The following TRIM2 variants were observed in gnomAD, a reference collection of about 807,000 sequenced individuals.
The protein encoded by TRIM2 is tripartite motif-containing protein 2.
Under a neutral mutation model 75.2 loss-of-function variants are expected in TRIM2, and 20 were observed. That is an observed-to-expected ratio of 0.27 (90% CI 0.19 to 0.39). TRIM2 has a LOEUF of 0.39. Among genes scored for constraint, TRIM2 ranks in the 10% least tolerant of loss-of-function variants. The probability of loss-of-function intolerance (pLI) is 1.00; values close to 1 mark genes in which losing one functional copy is unlikely to be tolerated. For missense variants in TRIM2, 660 were observed against 990.8 expected (o/e 0.67, Z 4.48); for synonymous variants, 373 against 388.3 (o/e 0.96, Z 0.46).
intron 3 of TRIM2, among the ~76,000 whole-genome samples, chr4:153,287,279 C>G (rs1160706388): frequency 1.3e-5 from 2 of 152,272 alleles, no homozygotes; most frequent in African/African-American, 4.8e-5. Context: ...CATATCTGGG[C>G]CATCCTGTCA....
Position 153,204,573 on chromosome 4 carries a change from C to T in TRIM2, c.30+13C>T. 3.2e-6 allele frequency: 5 copies of T among 1,551,686 alleles called. No individual in the cohort carries two copies. The highest frequency in any genetic ancestry group is 4.4e-6 in the Non-Finnish European group (5 of 1,147,006). On this transcript the variant is annotated intron_variant, in intron 1 of 11. Coordinates refer to ENST00000338700, the MANE Select transcript of TRIM2 (RefSeq NM_015271.5). Reference sequence around the variant, plus strand: ...TTATGGAACGCAGGTAAGGACGCTTCTCAATGTGGGATAATTCTTTTTCTG... The same window carrying T: ...TTATGGAACGCAGGTAAGGACGCTTTTCAATGTGGGATAATTCTTTTTCTG...
chr4:153,183,876 C>A (rs1208155468), intron 1 of TRIM2, among the ~76,000 whole-genome samples: 1 of 152,210 alleles, frequency 6.6e-6, no homozygotes, highest in Non-Finnish European at 1.5e-5. Flanking sequence ...CCAGTTCTAG[C>A]TCCTCTACTT....
intron 1 of TRIM2, among the ~76,000 whole-genome samples, chr4:153,176,546 T>C (rs576894692): frequency 6.6e-6 from 1 of 152,316 alleles, no homozygotes; most frequent in South Asian, 2.1e-4. Context: ...GTATTATTCT[T>C]GCAAATTTTC....
chr4:153,290,835 C>A (rs1761702506), intron 3 of TRIM2, among the ~76,000 whole-genome samples: 1 of 152,120 alleles, frequency 6.6e-6, no homozygotes, highest in African/African-American at 2.4e-5. Flanking sequence ...TGCTGTGGTT[C>A]CCCGGCTGGT....
At chr4:153,282,805 AGAC>A (rs1759649760) in intron 3 of TRIM2, among the ~76,000 whole-genome samples, 2 of 148,382 alleles carry the variant, frequency 1.3e-5, no homozygotes, top group African/African-American at 5.0e-5. Flanking sequence ...TTTTTTTTGG[AGAC>A]AAAAAAGTCT....
intron 6 of TRIM2, among the ~76,000 whole-genome samples, chr4:153,305,132 T>C (rs936256632): frequency 6.6e-6 from 1 of 152,178 alleles, no homozygotes; most frequent in Non-Finnish European, 1.5e-5. Context: ...TTGAGTGCTG[T>C]AGGGAAGTGA....
Position 153,319,740 on chromosome 4 carries a change from AT to A in TRIM2, c.1783-2907del, listed in dbSNP as rs201587644. Among the ~76,000 whole-genome samples the A allele has an allele frequency of 1.5e-3, 219 of 150,932 alleles. 1 individual carries two copies. The highest frequency in any genetic ancestry group is 4.6e-3 in the African/African-American group (191 of 41,076). On this transcript the variant is annotated intron_variant, in intron 8 of 11. Transcript: ENST00000338700. ...AGCAAAACTCTGTCTCAAAAAAAAA[AT>A]ATATATATATATTTTTTGTTGTTTA...
At chr4:153,325,271 C>T (rs1006798461) in intron 10 of TRIM2, among the ~76,000 whole-genome samples, 14 of 152,086 alleles carry the variant, frequency 9.2e-5, no homozygotes, top group African/African-American at 2.2e-4. Flanking sequence ...CAGTGGGCTG[C>T]GGAAATGGGG....
intron 1 of TRIM2, among the ~76,000 whole-genome samples, chr4:153,237,268 T>A (rs899061357): frequency 1.3e-5 from 2 of 152,210 alleles, no homozygotes; most frequent in Non-Finnish European, 2.9e-5. Flanking sequence ...TACCATATTA[T>A]AACCACATTG....
chr4:153,193,980 G>C (rs1231075127), intron 1 of TRIM2, among the ~76,000 whole-genome samples: 2 of 152,170 alleles, frequency 1.3e-5, no homozygotes. Context: ...CAGGCACTAG[G>C]AGAGACTGAC....
rs565619362 is a variant in TRIM2 at position 153,324,119 on chromosome 4, A to G, written c.1993A>G (p.Ile665Val). ...AAVNSNNEII[I>V]TDFHNHSVKV... The stretch of plus-strand genomic sequence containing the variant: ...TGTAAATAGCAATAATGAGATTATT[A>G]TTACAGATTTCCATAATCATTCTGT... The change falls in exon 10 of 12, where the codon ATT (isoleucine) becomes GTT (valine). Residue 665 changes from isoleucine to valine, a missense_variant. Physicochemically the swap from Ile to Val is conservative, Grantham distance 29. Around this residue, in one of 2 missense-constraint regions of TRIM2, gnomAD observed 620 missense variants for 891.0 expected, o/e 0.70. Transcript: ENST00000338700. The G allele has an allele frequency of 6.2e-7, 1 of 1,612,496 alleles. No homozygotes were observed. The highest frequency in any genetic ancestry group is 1.7e-5 in the Admixed American group (1 of 59,772).
At chr4:153,244,728 T>C (rs1159116297) in intron 1 of TRIM2, among the ~76,000 whole-genome samples, 8 of 152,082 alleles carry the variant, frequency 5.3e-5, no homozygotes, top group South Asian at 4.1e-4. Context: ...CTGCAAATAA[T>C]TGGATATGAA....
Position 153,288,987 on chromosome 4 carries a change from T to C in TRIM2, c.454-3995T>C, listed in dbSNP as rs1389225760. 2.0e-5 allele frequency among the ~76,000 whole-genome samples: 3 copies of C among 152,306 alleles called. No homozygotes were observed. In the East Asian group the frequency reaches 5.8e-4, roughly 29 times the overall value. ...TTCTCCATTTAGTGAGACATTGTTC[T>C]CATAGTTTTTTATATATGGTTTCCA... On this transcript the variant is annotated intron_variant, in intron 3 of 11. Transcript: ENST00000338700.
intron 1 of TRIM2, among the ~76,000 whole-genome samples, chr4:153,173,599 G>T (rs1731099563): frequency 6.6e-6 from 1 of 151,602 alleles, no homozygotes; most frequent in Non-Finnish European, 1.5e-5. Flanking sequence ...GGAGGCGGAG[G>T]TTGCAGTGAG....
At chr4:153,321,288 C>T (rs1408422947) in intron 8 of TRIM2, among the ~76,000 whole-genome samples, 1 of 152,144 alleles carries the variant, frequency 6.6e-6, no homozygotes, top group Non-Finnish European at 1.5e-5. Context: ...CCTAGAATAC[C>T]GTCAGGCACA....
At position 153,254,489 on chromosome 4, in the gene TRIM2, C is replaced by T. The variant is rs1025505986; in HGVS notation, c.31-15846C>T. 3.9e-5 allele frequency among the ~76,000 whole-genome samples: 6 copies of T among 152,318 alleles called. No homozygotes were observed. The East Asian group carries it at 9.6e-4, about 24-fold the overall frequency. ...GCTGTAATCCCAAGAATCCTGGGCT[C>T]TTCTCTGCCCTTGAGACCCCCGAGT... On this transcript the variant is annotated intron_variant, in intron 1 of 11. Transcript: ENST00000338700.
chr4:153,258,095 A>C (rs984684292), intron 1 of TRIM2, among the ~76,000 whole-genome samples: 1 of 152,104 alleles, frequency 6.6e-6, no homozygotes, highest in Admixed American at 6.5e-5. Flanking sequence ...CATGGAGATG[A>C]AATATTTGAT....
At chr4:153,180,674 C>T (rs1055380040) in intron 1 of TRIM2, among the ~76,000 whole-genome samples, 21 of 152,206 alleles carry the variant, frequency 1.4e-4, no homozygotes, top group African/African-American at 3.6e-4. Flanking sequence ...GAGGGTGTTT[C>T]GCCATGTTGG....
chr4:153,217,647 A>C (rs1443134824), intron 1 of TRIM2, among the ~76,000 whole-genome samples: 1 of 152,196 alleles, frequency 6.6e-6, no homozygotes, highest in Non-Finnish European at 1.5e-5. Flanking sequence ...CCAGTGTTGC[A>C]ACAAATCATG....
Sources: gnomAD v4.1 joint callset for allele counts (sites outside exome capture counted in the v4.1 genomes callset) on GRCh38, gnomAD v4.1.1 for gene constraint, gnomAD v4.1.1 regional missense constraint, MANE v1.5 for transcripts, NCBI Gene and HGNC (gene_info 2026-07-23, HGNC 2026-07-21) for gene names.